Variants in ERBB4 observed in about 807,000 individuals in gnomAD.
The protein encoded by ERBB4 is receptor tyrosine-protein kinase erbB-4.
A neutral mutation model predicts 158.0 loss-of-function variants in ERBB4; 42 were observed. That is an observed-to-expected ratio of 0.27 (90% CI 0.21 to 0.34). ERBB4 has a LOEUF of 0.34. Ranked by LOEUF, ERBB4 falls within the 10% of genes least tolerant of loss-of-function variation. The pLI is 1.00. For synonymous variants in ERBB4, 583 were observed against 558.7 expected, an observed-to-expected ratio of 1.04 and a Z score of -0.61; for missense variants, 1,333 against 1,624.1, an observed-to-expected ratio of 0.82 and a Z score of 3.08.
At chr2:212,248,190 T>C (rs2084382966) in intron 1 of ERBB4, among the ~76,000 whole-genome samples, 1 of 152,152 alleles carries the variant, frequency 6.6e-6, no homozygotes, top group Non-Finnish European at 1.5e-5. Context: ...GAAAGAAATA[T>C]GTGTTTAGTG....
chr2:211,713,268 A>G (rs1319448299), intron 8 of ERBB4, among the ~76,000 whole-genome samples: 1 of 152,158 alleles, frequency 6.6e-6, no homozygotes, highest in Admixed American at 6.5e-5. Flanking sequence ...CTATTGACAG[A>G]GTAACAGGCA....
At chr2:212,230,844 T>C (rs868149023) in intron 1 of ERBB4, among the ~76,000 whole-genome samples, 1 of 152,128 alleles carries the variant, frequency 6.6e-6, no homozygotes, top group Admixed American at 6.6e-5. Context: ...AAAAATCCAA[T>C]GAGCAGTACC....
At position 212,041,369 on chromosome 2, in the gene ERBB4, G is replaced by A. The variant is rs574273525; in HGVS notation, c.234+83383C>T. On this transcript the variant is annotated intron_variant, in intron 2 of 27. Transcript: ENST00000342788. Reference sequence around the variant, plus strand: ...TAAAAAAAATTCAGGTTACCCATTGGTATTAAAATAAAAGGGAAAGTACTA... The same window carrying A: ...TAAAAAAAATTCAGGTTACCCATTGATATTAAAATAAAAGGGAAAGTACTA... Among the ~76,000 whole-genome samples the A allele has an allele frequency of 1.0e-3, 157 of 151,966 alleles. 1 individual carries two copies. Among genetic ancestry groups the A allele is most frequent in the African/African-American group, 3.3e-3 (137 of 41,484 alleles).
rs3068983 is a variant in ERBB4, at chr2:211,633,482, ATTTTT to A, written c.1947-2893_1947-2889del. 1.1e-3 allele frequency among the ~76,000 whole-genome samples: 142 copies of A among 127,228 alleles called. 3 individuals carry two copies. The East Asian group carries it at 0.018, about 16-fold the overall frequency. The allele number at this position is 127,228 out of a possible 152,430, so 83.5% of individuals were successfully genotyped here. A position where few individuals can be genotyped will look rare whatever the true frequency, so the allele number is the denominator to read the frequency against. ...TATTTTTACTAATTTGTATTTTCTA[ATTTTT>A]TTTTTTTTTTTTTTTAAATTCACTA... On this transcript the variant is annotated intron_variant, in intron 16 of 27. Transcript: ENST00000342788.
At chr2:211,978,929 C>T (rs555679074) in intron 2 of ERBB4, among the ~76,000 whole-genome samples, 1 of 152,186 alleles carries the variant, frequency 6.6e-6, no homozygotes, top group East Asian at 1.9e-4. Context: ...CTTCTAGTAT[C>T]AGAAAATCAT....
intron 1 of ERBB4, among the ~76,000 whole-genome samples, chr2:212,220,584 C>T (rs1389338012): frequency 6.6e-6 from 1 of 151,330 alleles, no homozygotes. Flanking sequence ...GTGTGTATCC[C>T]TAGTTCCCAT....
At chr2:212,366,899 T>C (rs2089909637) in intron 1 of ERBB4, among the ~76,000 whole-genome samples, 1 of 152,008 alleles carries the variant, frequency 6.6e-6, no homozygotes, top group Non-Finnish European at 1.5e-5. Context: ...AATTGATAAA[T>C]GATCTCTCTA....
intron 20 of ERBB4, among the ~76,000 whole-genome samples, chr2:211,545,091 G>T (rs1386499704): frequency 6.6e-6 from 1 of 152,008 alleles, no homozygotes; most frequent in Non-Finnish European, 1.5e-5. Flanking sequence ...CATTCTTCCA[G>T]TCTATAGTAG....
At chr2:212,339,760 T>G (rs1052191572) in intron 1 of ERBB4, among the ~76,000 whole-genome samples, 1 of 152,134 alleles carries the variant, frequency 6.6e-6, no homozygotes, top group African/African-American at 2.4e-5. Flanking sequence ...GATTTTCATG[T>G]TTAGAAAAAG....
chr2:211,727,407 A>C (rs2106140389), intron 5 of ERBB4, among the ~76,000 whole-genome samples: 1 of 152,204 alleles, frequency 6.6e-6, no homozygotes, highest in African/African-American at 2.4e-5. Flanking sequence ...GTCTTACTTA[A>C]GTTTTAATTT....
At chr2:212,085,152 C>T (rs1204502399) in intron 2 of ERBB4, among the ~76,000 whole-genome samples, 1 of 151,880 alleles carries the variant, frequency 6.6e-6, no homozygotes, top group East Asian at 1.9e-4. Context: ...CCTCTTGGTG[C>T]ATATGTAGCA....
At chr2:212,525,098 T>C (rs1692378220) in intron 1 of ERBB4, among the ~76,000 whole-genome samples, 1 of 152,042 alleles carries the variant, frequency 6.6e-6, no homozygotes, top group African/African-American at 2.4e-5. Flanking sequence ...TACTTGAATA[T>C]TAATCCTGGT....
At chr2:211,944,097 A>ATG (rs2080585073) in intron 3 of ERBB4, among the ~76,000 whole-genome samples, 1 of 127,158 alleles carries the variant, frequency 7.9e-6, no homozygotes, top group African/African-American at 3.6e-5. Flanking sequence ...ATATATATAT[A>ATG]CATGGTTACA....
intron 1 of ERBB4, among the ~76,000 whole-genome samples, chr2:212,332,761 T>C (rs1358089283): frequency 6.6e-6 from 1 of 152,014 alleles, no homozygotes; most frequent in Non-Finnish European, 1.5e-5. Flanking sequence ...AGAGTAATAA[T>C]TTAAAGTTTA....
intron 20 of ERBB4, among the ~76,000 whole-genome samples, chr2:211,487,132 G>A (rs950906506): frequency 1.4e-5 from 2 of 145,714 alleles, no homozygotes; most frequent in Non-Finnish European, 3.0e-5. Flanking sequence ...ATCTCCTAAT[G>A]CTATCCCTCC....
At chr2:212,015,100 ATATATATATAT>A in intron 2 of ERBB4, among the ~76,000 whole-genome samples, 1 of 77,716 alleles carries the variant, frequency 1.3e-5, no homozygotes, top group African/African-American at 5.7e-5. Context: ...ATATATATAT[ATATATATATAT>A]AAAAATTAGC....
intron 4 of ERBB4, among the ~76,000 whole-genome samples, chr2:211,754,882 G>A (rs935414744): frequency 9.2e-5 from 14 of 151,984 alleles, no homozygotes; most frequent in Non-Finnish European, 1.5e-4. Flanking sequence ...GTGTTTTTTA[G>A]TAGAGACGGG....
chr2:212,192,189 TTAGA>T (rs1450184222), intron 1 of ERBB4, among the ~76,000 whole-genome samples: 1 of 146,640 alleles, frequency 6.8e-6, no homozygotes, highest in Non-Finnish European at 1.5e-5. Context: ...ATATATAATA[TTAGA>T]TATATATATT....
intron 1 of ERBB4, among the ~76,000 whole-genome samples, chr2:212,148,218 T>C (rs1209453296): frequency 6.6e-6 from 1 of 152,034 alleles, no homozygotes; most frequent in East Asian, 1.9e-4. Context: ...GCTAGAGGCA[T>C]ACACAGGATT....
Sources: gnomAD v4.1 joint callset for allele counts (sites outside exome capture counted in the v4.1 genomes callset) on GRCh38, gnomAD v4.1.1 for gene constraint, MANE v1.5 for transcripts, NCBI Gene and HGNC (gene_info 2026-07-23, HGNC 2026-07-21) for gene names.